Variants in COL22A1 observed in about 807,000 individuals in gnomAD.
The protein encoded by COL22A1 is collagen type XXII alpha 1 chain, also known as collagen alpha-1(XXII) chain.
COL22A1 carries 221 observed loss-of-function variants against 248.9 expected under a neutral mutation model. That is an observed-to-expected ratio of 0.89 (90% CI 0.80 to 0.99). The LOEUF is 0.99. Ranked by LOEUF, COL22A1 falls within the 50% of genes least tolerant of loss-of-function variation. The probability of loss-of-function intolerance (pLI) is 0.00; values close to 1 mark genes in which losing one functional copy is unlikely to be tolerated. For missense variants in COL22A1, 2,240 were observed against 2,179.0 expected, an observed-to-expected ratio of 1.03 and a Z score of -0.56; for synonymous variants, 891 against 793.4, an observed-to-expected ratio of 1.12 and a Z score of -2.07.
chr8:138,626,277 C>T (rs774039616), intron 50 of COL22A1, 34 bp from the exon 51 acceptor site: 68 of 1,554,986 alleles, frequency 4.4e-5, no homozygotes, highest in Non-Finnish European at 5.5e-5. Flanking sequence ...CACCATGAAA[C>T]CTCTGCTGGC....
intron 63 of COL22A1, among the ~76,000 whole-genome samples, chr8:138,592,290 G>T (rs1228006717): frequency 6.6e-6 from 1 of 152,146 alleles, no homozygotes; most frequent in Non-Finnish European, 1.5e-5. Context: ...TCTCACCCTT[G>T]TTTTTTAAAT....
chr8:138,593,921 T>A lies in COL22A1; in HGVS notation c.4615+96A>T, dbSNP rs1817296537. 3 of 907,622 alleles carry A rather than the reference T, an allele frequency of 3.3e-6. No homozygotes were observed. The South Asian group carries it at 7.0e-5, about 21-fold the overall frequency. The allele number at this position is 907,622 out of a possible 1,614,324, so 56.2% of individuals were successfully genotyped here. A position where few individuals can be genotyped will look rare whatever the true frequency, so the allele number is the denominator to read the frequency against. ...GTTACCAAGCTACAGGGAATGAGAG[T>A]GGCATGAATAATGCATGCAGTGCCA... On this transcript the variant is annotated intron_variant, in intron 63 of 64. Coordinates refer to ENST00000303045, the MANE Select transcript of COL22A1 (RefSeq NM_152888.3).
At chr8:138,778,119 G>C in intron 15 of COL22A1, 1 of 591,858 alleles carries the variant, frequency 1.7e-6, no homozygotes, top group Non-Finnish European at 3.0e-6. Context: ...CCTGCTTCTT[G>C]ATGTGAGAAA....
chr8:138,857,716 G>A (rs1236951553), intron 3 of COL22A1, among the ~76,000 whole-genome samples: 3 of 152,190 alleles, frequency 2.0e-5, no homozygotes, highest in African/African-American at 7.2e-5. Context: ...CTGATAACAC[G>A]GACTCAGCTT....
intron 9 of COL22A1, among the ~76,000 whole-genome samples, chr8:138,810,183 A>T (rs1818088787): frequency 6.6e-6 from 1 of 152,164 alleles, no homozygotes; most frequent in Admixed American, 6.5e-5. Context: ...GAAGGAGGGA[A>T]GAGGGAAATG....
At chr8:138,602,296 C>T in intron 59 of COL22A1, 137 bp from the exon 60 acceptor site, 9 of 781,886 alleles carry the variant, frequency 1.2e-5, no homozygotes, top group South Asian at 1.7e-5. Flanking sequence ...GGGCTCCTTT[C>T]TGATTTATGC....
At position 138,821,415 on chromosome 8, in the gene COL22A1, G is replaced by GGGAGGAAA. The variant is rs541447522; in HGVS notation, c.970-12_970-5dup. ...CACCATCCAGCCGGATGGAGACCTG[G>GGGAGGAAA]GGAGGAAAGGACCAGAGACTCCTTG... On this transcript the variant is annotated splice_polypyrimidine_tract_variant and splice_region_variant and intron_variant, in intron 6 of 64. Coordinates refer to ENST00000303045, the MANE Select transcript of COL22A1 (RefSeq NM_152888.3). 2.1e-4 allele frequency: 336 copies of GGGAGGAAA among 1,610,784 alleles called. No homozygotes were observed. The highest frequency in any genetic ancestry group is 2.6e-4 in the Non-Finnish European group (301 of 1,177,358).
In COL22A1 at chr8:138,864,497, A is replaced by G. The variant is rs902128924; in HGVS notation, c.658+13253T>C. On this transcript the variant is annotated intron_variant, in intron 3 of 64. Transcript: ENST00000303045. Reference sequence around the variant, plus strand: ...TTTGCGTGTGACTTTAAGGAGTCCAAGGATGCTGTATTCAAACCTGCCTCC... The same window carrying G: ...TTTGCGTGTGACTTTAAGGAGTCCAGGGATGCTGTATTCAAACCTGCCTCC... Among the ~76,000 whole-genome samples the G allele has an allele frequency of 1.4e-4, 22 of 152,262 alleles. 1 individual carries two copies. Among genetic ancestry groups the G allele is most frequent in the Admixed American group, 1.3e-3 (20 of 15,294 alleles).
At chr8:138,657,723 G>C (rs1823408438) in intron 44 of COL22A1, among the ~76,000 whole-genome samples, 1 of 152,148 alleles carries the variant, frequency 6.6e-6, no homozygotes, top group Admixed American at 6.5e-5. Flanking sequence ...AATGGGCTCA[G>C]AGAACAGTGG....
chr8:138,721,445 T>C (rs993386629), intron 26 of COL22A1, among the ~76,000 whole-genome samples: 3 of 152,242 alleles, frequency 2.0e-5, no homozygotes, highest in Non-Finnish European at 2.9e-5. Flanking sequence ...AGTTTTATGC[T>C]ATTTAACCTT....
rs748798939 is a variant in COL22A1, at chr8:138,716,828, C to T, written c.2397G>A (p.Glu799=). 1 of 1,608,722 alleles carries T rather than the reference C, an allele frequency of 6.2e-7. No individual in the cohort carries two copies. The highest frequency in any genetic ancestry group is 8.5e-7 in the Non-Finnish European group (1 of 1,175,138). The change falls in exon 28 of 65, where the codon GAG becomes GAA. Residue 799 remains glutamate, a synonymous_variant. Coordinates refer to ENST00000303045, the MANE Select transcript of COL22A1 (RefSeq NM_152888.3). ...ATAAAAGCACAAACAAACAGACCTT[C>T]TCTCCAGGTCGGCCTGCCAGGCCCT... ...GEQGLAGRPG[E]KGEAGLPGAP...
chr8:138,732,253 A>G (rs753184060), intron 23 of COL22A1, among the ~76,000 whole-genome samples: 1 of 152,234 alleles, frequency 6.6e-6, no homozygotes, highest in Non-Finnish European at 1.5e-5. Context: ...GAATGGGACT[A>G]CAGGAAGGCC....
intron 12 of COL22A1, among the ~76,000 whole-genome samples, chr8:138,791,575 T>C (rs1406784563): frequency 6.6e-6 from 1 of 152,142 alleles, no homozygotes; most frequent in Non-Finnish European, 1.5e-5. Context: ...GTAATTAGCT[T>C]CTTATTTGTT....
intron 16 of COL22A1, among the ~76,000 whole-genome samples, chr8:138,767,329 G>C (rs1022029419): frequency 6.6e-6 from 1 of 152,176 alleles, no homozygotes; most frequent in African/African-American, 2.4e-5. Flanking sequence ...GCAGAGGAGG[G>C]AAGGGACAGG....
chr8:138,828,928 C>T (rs1179666002), intron 5 of COL22A1, among the ~76,000 whole-genome samples: 4 of 152,106 alleles, frequency 2.6e-5, no homozygotes, highest in African/African-American at 4.8e-5. Flanking sequence ...TGGGGGAGCC[C>T]AATCCTGCCC....
At chr8:138,854,635 G>A (rs2318330) in intron 3 of COL22A1, among the ~76,000 whole-genome samples, 10,387 of 152,160 alleles carry the variant, frequency 0.068, 408 homozygotes, top group African/African-American at 0.11. Context: ...TTAGAGCCCC[G>A]AGAGGAACAA....
chr8:138,855,957 G>T (rs1821975243), intron 3 of COL22A1, among the ~76,000 whole-genome samples: 1 of 152,218 alleles, frequency 6.6e-6, no homozygotes, highest in South Asian at 2.1e-4. Context: ...GCACAGCTCA[G>T]GCTGACTTTG....
At chr8:138,859,030 G>A (rs184032219) in intron 3 of COL22A1, among the ~76,000 whole-genome samples, 77 of 152,238 alleles carry the variant, frequency 5.1e-4, no homozygotes, top group African/African-American at 1.8e-3. Flanking sequence ...CTCCCTTCTC[G>A]GTCCCCAGAA....
intron 30 of COL22A1, among the ~76,000 whole-genome samples, chr8:138,707,888 C>T (rs1828609073): frequency 6.6e-6 from 1 of 152,146 alleles, no homozygotes; most frequent in African/African-American, 2.4e-5. Flanking sequence ...TAGAAAACCC[C>T]ATCATCTCAG....
Sources: gnomAD v4.1 joint callset for allele counts (sites outside exome capture counted in the v4.1 genomes callset) on GRCh38, gnomAD v4.1.1 for gene constraint, MANE v1.5 for transcripts, NCBI Gene and HGNC (gene_info 2026-07-23, HGNC 2026-07-21) for gene names.